Variants in LAMA3 observed in about 807,000 individuals in gnomAD.
LAMA3 encodes the protein laminin subunit alpha 3.
A neutral mutation model predicts 402.0 loss-of-function variants in LAMA3; 281 were observed. The observed-to-expected ratio is 0.70, with a 90% CI of 0.63 to 0.77. LAMA3 has a LOEUF of 0.77. Ranked by LOEUF, LAMA3 falls within the 30% of genes least tolerant of loss-of-function variation. The pLI is 0.00. For missense variants in LAMA3, 3,840 were observed against 4,215.5 expected, an observed-to-expected ratio of 0.91 and a Z score of 2.47; for synonymous variants, 1,431 against 1,558.4, an observed-to-expected ratio of 0.92 and a Z score of 1.93.
At position 23,899,288 on chromosome 18, in the gene LAMA3, T is replaced by C. The variant is rs747373671; in HGVS notation, c.5837T>C (p.Ile1946Thr). ...TAATAGACCACTTGATGTTTCCTAG[T>C]TCTTTTAAAGCAGATCTCTGGGACA... ...KIKNVIRNVH[I>T]LLKQISGTDG... is the part of the protein sequence containing the mutation. The change falls in exon 47 of 75, where the codon ATT becomes ACT. Residue 1946 changes from isoleucine to threonine, a missense_variant and splice_region_variant. Coordinates refer to ENST00000313654, the MANE Select transcript of LAMA3 (RefSeq NM_198129.4). 4 of 1,613,904 alleles carry C rather than the reference T, an allele frequency of 2.5e-6. No homozygotes were observed. The Admixed American group carries it at 5.0e-5, about 20-fold the overall frequency.
At chr18:23,902,940 C>A in intron 48 of LAMA3, 69 bp from the exon 49 acceptor site, 1 of 859,734 alleles carries the variant, frequency 1.2e-6, no homozygotes, top group South Asian at 1.3e-5. Context: ...TGCTATTGTC[C>A]CATAAATTTG....
At chr18:23,872,284 A>G (rs941261433) in intron 38 of LAMA3, among the ~76,000 whole-genome samples, 2 of 152,186 alleles carry the variant, frequency 1.3e-5, no homozygotes. Context: ...ATTATGTTCT[A>G]GCTTGCAGCA....
chr18:23,822,364 A>G lies in LAMA3; in HGVS notation c.2417A>G (p.Tyr806Cys), dbSNP rs765032627. 35 of 1,613,714 alleles carry G rather than the reference A, an allele frequency of 2.2e-5. No individual in the cohort carries two copies. Among genetic ancestry groups the G allele is most frequent in the Non-Finnish European group, 2.8e-5 (33 of 1,179,744 alleles). ...GCAGTATCTGGCCATATAACTATTT[A>G]TCCATCCTGGGGTAAGGCACGTAGG... is the stretch of plus-strand genomic sequence containing the variant. ...TEAVSGHITIYPSWGAAQSKE... is the reference protein window; with the variant it reads ...TEAVSGHITICPSWGAAQSKE... The change falls in exon 20 of 75, where the codon TAT becomes TGT. Residue 806 changes from tyrosine (Y) to cysteine (C), a missense_variant. Physicochemically the swap from Tyr to Cys is radical, Grantham distance 194. Coordinates refer to ENST00000313654, the MANE Select transcript of LAMA3 (RefSeq NM_198129.4).
intron 1 of LAMA3, among the ~76,000 whole-genome samples, chr18:23,699,052 G>GAA (rs1243969804): frequency 2.0e-5 from 3 of 149,160 alleles, no homozygotes; most frequent in Admixed American, 6.7e-5. Flanking sequence ...GAGAGAGAGA[G>GAA]AGAAAGAAAA....
chr18:23,894,767 A>C, intron 43 of LAMA3, 140 bp from the exon 44 acceptor site: 1 of 1,012,082 alleles, frequency 9.9e-7, no homozygotes, highest in Non-Finnish European at 1.5e-6. Flanking sequence ...ATCCACATCC[A>C]TCCCTGAGAA....
Position 23,775,022 on chromosome 18 carries a change from C to T in LAMA3, c.1274-770C>T, listed in dbSNP as rs548987894. 8.5e-5 allele frequency among the ~76,000 whole-genome samples: 13 copies of T among 152,250 alleles called. No individual in the cohort carries two copies. The South Asian group carries it at 1.5e-3, about 17-fold the overall frequency. On this transcript the variant is annotated intron_variant, in intron 9 of 74. Transcript: ENST00000313654. ...GTCCACAGAGGTATTAGAGGCTTGGCGTAAAGGATCAGTAGGACACATGAA... is the reference window on the plus strand; with the variant it reads ...GTCCACAGAGGTATTAGAGGCTTGGTGTAAAGGATCAGTAGGACACATGAA...
chr18:23,912,000 A>C (rs941398534), intron 55 of LAMA3, among the ~76,000 whole-genome samples: 1 of 145,328 alleles, frequency 6.9e-6, no homozygotes, highest in Non-Finnish European at 1.5e-5. Context: ...ATGTATATTT[A>C]TATATAAATA....
At chr18:23,830,082 C>T (rs1412407827) in intron 23 of LAMA3, among the ~76,000 whole-genome samples, 1 of 151,668 alleles carries the variant, frequency 6.6e-6, no homozygotes, top group Non-Finnish European at 1.5e-5. Flanking sequence ...TAGAGGACAA[C>T]AGGCTTGTGA....
At chr18:23,867,206 C>T (rs1220072309) in intron 36 of LAMA3, among the ~76,000 whole-genome samples, 3 of 152,120 alleles carry the variant, frequency 2.0e-5, no homozygotes, top group Admixed American at 1.3e-4. Context: ...CAGGCTGGTT[C>T]GGTGGCCAGT....
intron 2 of LAMA3, 117 bp downstream of exon 2, chr18:23,714,189 CATT>C (rs2061051468): frequency 9.7e-7 from 1 of 1,027,564 alleles, no homozygotes; most frequent in Non-Finnish European, 1.4e-6. Flanking sequence ...ATCCCCTCAT[CATT>C]GTTAAACCTG....
At chr18:23,743,625 A>G (rs1288945185) in intron 2 of LAMA3, among the ~76,000 whole-genome samples, 1 of 152,064 alleles carries the variant, frequency 6.6e-6, no homozygotes, top group Non-Finnish European at 1.5e-5. Context: ...TTCCCTACTC[A>G]CCCTGAAGTC....
Position 23,949,790 on chromosome 18 carries a change from G to A in LAMA3, c.9377G>A (p.Gly3126Glu), listed in dbSNP as rs2082839233. ...PKSLPTNSFV[G>E]CLKNFQLDSK... ...AGCCTCCCCACAAACAGCTTTGTGG[G>A]ATGCCTGAAGAACTTTCAGCTGGAT... The change falls in exon 71 of 75, where the codon GGA becomes GAA. Residue 3126 changes from glycine to glutamate, a missense_variant. Gly to Glu is a moderately conservative substitution (Grantham distance 98). Transcript: ENST00000313654. 6.2e-7 allele frequency: 1 copy of A among 1,613,894 alleles called. No homozygotes were observed. The highest frequency in any genetic ancestry group is 8.5e-7 in the Non-Finnish European group (1 of 1,180,020).
intron 56 of LAMA3, among the ~76,000 whole-genome samples, chr18:23,914,172 G>A (rs2081529454): frequency 6.6e-6 from 1 of 152,216 alleles, no homozygotes; most frequent in Non-Finnish European, 1.5e-5. Flanking sequence ...CATATTTGTA[G>A]ATTGAGTGAA....
At chr18:23,714,931 T>C (rs941974841) in intron 2 of LAMA3, among the ~76,000 whole-genome samples, 6 of 152,192 alleles carry the variant, frequency 3.9e-5, no homozygotes, top group African/African-American at 1.4e-4. Flanking sequence ...TATTTGTCTT[T>C]TTGTGACTGG....
At chr18:23,778,176 G>T (rs1273444170) in intron 11 of LAMA3, among the ~76,000 whole-genome samples, 1 of 152,210 alleles carries the variant, frequency 6.6e-6, no homozygotes, top group Non-Finnish European at 1.5e-5. Context: ...TGTGCAGTAA[G>T]CTGTCTCTGA....
intron 17 of LAMA3, among the ~76,000 whole-genome samples, chr18:23,816,057 T>C (rs2063169434): frequency 6.6e-6 from 1 of 152,174 alleles, no homozygotes; most frequent in Non-Finnish European, 1.5e-5. Flanking sequence ...TGCTGTTGTC[T>C]TTGCATTGGA....
chr18:23,842,590 GTC>G lies in LAMA3; in HGVS notation c.3464-7_3464-6del, dbSNP rs45577833. 1.1e-4 allele frequency: 167 copies of G among 1,517,130 alleles called. No individual in the cohort carries two copies. The highest frequency in any genetic ancestry group is 2.2e-4 in the East Asian group (9 of 41,244). The allele number at this position is 1,517,130 out of a possible 1,614,324, so 94.0% of individuals were successfully genotyped here. ...TCTACAGTCCGGTGCATGACAGAAA[GTC>G]TCTCTCTCTCTCTGCCAGGCTCCTT... On this transcript the variant is annotated intron_variant, in intron 28 of 74. Transcript: ENST00000313654.
chr18:23,923,643 G>A (rs1306127420), intron 62 of LAMA3, among the ~76,000 whole-genome samples: 2 of 152,172 alleles, frequency 1.3e-5, no homozygotes, highest in African/African-American at 4.8e-5. Flanking sequence ...CGCACAAAAT[G>A]GCCTGGGCCT....
At chr18:23,698,163 A>AATGGAAC (rs1055634624) in intron 1 of LAMA3, among the ~76,000 whole-genome samples, 2 of 150,122 alleles carry the variant, frequency 1.3e-5, no homozygotes, top group Non-Finnish European at 3.0e-5. Flanking sequence ...GGTGGGGGGA[A>AATGGAAC]ATGGAACACT....
Sources: gnomAD v4.1 joint callset for allele counts (sites outside exome capture counted in the v4.1 genomes callset) on GRCh38, gnomAD v4.1.1 for gene constraint, MANE v1.5 for transcripts, NCBI Gene and HGNC (gene_info 2026-07-23, HGNC 2026-07-21) for gene names.